STK32B: variants seen among roughly 807,000 people sequenced by gnomAD.
STK32B encodes the protein serine/threonine kinase 32B.
Under a neutral mutation model 52.6 loss-of-function variants are expected in STK32B, and 43 were observed. The ratio of observed to expected loss-of-function variants is 0.82; its 90% CI spans 0.64 to 1.05. The LOEUF is 1.05. Ranked by LOEUF, STK32B falls within the 50% of genes least tolerant of loss-of-function variation. The probability of loss-of-function intolerance (pLI) is 0.00; values close to 1 mark genes in which losing one functional copy is unlikely to be tolerated. For missense variants in STK32B, 621 were observed against 534.6 expected (o/e 1.16, Z -1.59); for synonymous variants, 238 against 204.3 (o/e 1.17, Z -1.41).
intron 3 of STK32B, among the ~76,000 whole-genome samples, chr4:5,255,414 G>GT (rs1553858790): frequency 6.6e-6 from 1 of 152,042 alleles, no homozygotes. Context: ...TATCTCATAG[G>GT]TTTTTTTAAA....
At chr4:5,290,822 A>G (rs970269720) in intron 3 of STK32B, among the ~76,000 whole-genome samples, 8 of 152,168 alleles carry the variant, frequency 5.3e-5, no homozygotes, top group African/African-American at 1.9e-4. Flanking sequence ...GTACTCTTGA[A>G]ATTGATCTGT....
At chr4:5,181,210 T>G (rs1034641990) in intron 3 of STK32B, among the ~76,000 whole-genome samples, 5 of 152,178 alleles carry the variant, frequency 3.3e-5, no homozygotes, top group African/African-American at 1.2e-4. Context: ...GCCCCCAATG[T>G]CACTGTATCT....
At chr4:5,190,343 T>C (rs549573996) in intron 3 of STK32B, among the ~76,000 whole-genome samples, 30 of 152,226 alleles carry the variant, frequency 2.0e-4, no homozygotes, top group Non-Finnish European at 3.5e-4. Context: ...TCATTCGTTC[T>C]TCACCAGACC....
intron 3 of STK32B, among the ~76,000 whole-genome samples, chr4:5,259,542 A>G (rs570300652): frequency 6.6e-6 from 1 of 152,368 alleles, no homozygotes; most frequent in South Asian, 2.1e-4. Flanking sequence ...CAGAGAGAAT[A>G]ACAGTACTGT....
chr4:5,204,119 G>A (rs1412381882), intron 3 of STK32B: 3 of 152,228 alleles, frequency 2.0e-5, no homozygotes, highest in African/African-American at 4.8e-5. Context: ...TGCAGATGAA[G>A]CCTCATCTCA....
intron 1 of STK32B, among the ~76,000 whole-genome samples, chr4:5,093,784 T>A (rs28866293): frequency 0.25 from 37,735 of 152,124 alleles, 5,591 homozygotes; most frequent in Non-Finnish European, 0.34. Context: ...GTGTATCACC[T>A]GTGAATAGTG....
At chr4:5,127,234 ATGTCCTCGT>A in intron 1 of STK32B, 1 of 452,934 alleles carries the variant, frequency 2.2e-6, no homozygotes, top group South Asian at 1.6e-5. Flanking sequence ...GAAAATTTAA[ATGTCCTCGT>A]TGTGTGGAAT....
chr4:5,146,119 G>A (rs941969833), intron 2 of STK32B, among the ~76,000 whole-genome samples: 1 of 148,960 alleles, frequency 6.7e-6, no homozygotes, highest in African/African-American at 2.5e-5. Context: ...ATTGGATTGT[G>A]TACGACGATT....
chr4:5,189,031 A>T (rs1413786264), intron 3 of STK32B, among the ~76,000 whole-genome samples: 1 of 151,978 alleles, frequency 6.6e-6, no homozygotes, highest in Non-Finnish European at 1.5e-5. Flanking sequence ...AAAAAAGAAA[A>T]ACAGATGTAA....
chr4:5,022,403 A>T, the STK32B span, among the ~76,000 whole-genome samples: 3 of 152,162 alleles, frequency 2.0e-5, no homozygotes, highest in African/African-American at 7.2e-5. Context: ...GCTCCCTATG[A>T]GACGCCGCAC....
intron 11 of STK32B, among the ~76,000 whole-genome samples, chr4:5,492,637 C>T (rs1408105340): frequency 1.3e-5 from 2 of 149,514 alleles, no homozygotes; most frequent in East Asian, 3.9e-4. Flanking sequence ...TGAGAGAGGG[C>T]ATCCCTGTCT....
At chr4:5,471,451 G>C (rs1026459924) in intron 11 of STK32B, among the ~76,000 whole-genome samples, 5 of 152,130 alleles carry the variant, frequency 3.3e-5, no homozygotes, top group Non-Finnish European at 5.9e-5. Context: ...CCAGCGCTGG[G>C]AGGAAGGACT....
chr4:5,490,532 T>A (rs1466449466), intron 11 of STK32B, among the ~76,000 whole-genome samples: 1 of 152,182 alleles, frequency 6.6e-6, no homozygotes, highest in East Asian at 1.9e-4. Flanking sequence ...AAAAGATAAG[T>A]TATTTTATTA....
At chr4:5,498,702 C>A (rs149320715) in intron 11 of STK32B, among the ~76,000 whole-genome samples, 3 of 152,220 alleles carry the variant, frequency 2.0e-5, no homozygotes, top group Admixed American at 2.0e-4. Context: ...TATCTCCATT[C>A]TGTAGACAGA....
intron 6 of STK32B, among the ~76,000 whole-genome samples, chr4:5,431,502 C>T (rs1260096959): frequency 1.9e-5 from 2 of 103,086 alleles, no homozygotes; most frequent in Middle Eastern, 4.2e-3. Context: ...TGAAAACTTC[C>T]AAAAGTCCTT....
At chr4:5,304,296 A>T (rs918215754) in intron 3 of STK32B, among the ~76,000 whole-genome samples, 2 of 152,178 alleles carry the variant, frequency 1.3e-5, no homozygotes, top group East Asian at 3.9e-4. Context: ...AATGTTGATT[A>T]TACCCATCTA....
chr4:5,228,331 G>A (rs1724012190), intron 3 of STK32B, among the ~76,000 whole-genome samples: 1 of 152,134 alleles, frequency 6.6e-6, no homozygotes, highest in Non-Finnish European at 1.5e-5. Context: ...TGGAAGGGTT[G>A]CTATATGTCA....
At chr4:5,054,442 G>A (rs913497689) in intron 1 of STK32B, among the ~76,000 whole-genome samples, 4 of 151,382 alleles carry the variant, frequency 2.6e-5, no homozygotes, top group Admixed American at 2.6e-4. Flanking sequence ...GTGATAGAAG[G>A]GGGAAGGACG....
chr4:5,154,211 CTTTTTTTTTT>C (rs3072774), intron 2 of STK32B, among the ~76,000 whole-genome samples: 1 of 122,612 alleles, frequency 8.2e-6, no homozygotes, highest in African/African-American at 3.2e-5. Flanking sequence ...CCTTCCATGT[CTTTTTTTTTT>C]TTTTTTTTTT....
Sources: gnomAD v4.1 joint callset for allele counts (sites outside exome capture counted in the v4.1 genomes callset) on GRCh38, gnomAD v4.1.1 for gene constraint, MANE v1.5 for transcripts, NCBI Gene and HGNC (gene_info 2026-07-23, HGNC 2026-07-21) for gene names.